MCTP1: variants seen among roughly 807,000 people sequenced by gnomAD.
MCTP1 encodes the protein multiple C2 and transmembrane domain-containing protein 1.
A neutral mutation model predicts 120.6 loss-of-function variants in MCTP1; 69 were observed. The ratio of observed to expected loss-of-function variants is 0.57; its 90% confidence interval spans 0.47 to 0.70. MCTP1 has a LOEUF of 0.70. MCTP1 is among the 30% of genes least tolerant of loss of function. MCTP1 has a pLI of 0.00. For synonymous variants in MCTP1, 529 were observed against 493.1 expected (o/e 1.07, Z -0.96); for missense variants, 1,203 against 1,248.8 (o/e 0.96, Z 0.55).
At chr5:94,987,894 T>A (rs1830707366) in intron 2 of MCTP1, among the ~76,000 whole-genome samples, 1 of 152,202 alleles carries the variant, frequency 6.6e-6, no homozygotes. Context: ...ACAAAGAGTT[T>A]GTGCGCTTAT....
chr5:95,172,604 G>A (rs1205457886), intron 1 of MCTP1, among the ~76,000 whole-genome samples: 1 of 149,370 alleles, frequency 6.7e-6, no homozygotes, highest in East Asian at 1.9e-4. Flanking sequence ...TTTTTTTGGT[G>A]CCTGTATGAT....
At chr5:95,132,802 GGT>G (rs1195335311) in intron 1 of MCTP1, among the ~76,000 whole-genome samples, 1 of 152,146 alleles carries the variant, frequency 6.6e-6, no homozygotes, top group Non-Finnish European at 1.5e-5. Flanking sequence ...CACTGTGCAT[GGT>G]TACATATTGG....
chr5:95,284,283 T>C lies in MCTP1; in HGVS notation c.293A>G (p.Asn98Ser), dbSNP rs1270112254. ...GGGCTCCGGCGACGAGCAGCACAGG[T>C]TGGGCTGCGAGGAGGAGAAGACTCG... ...LDRVFSSSQP[N>S]LCCSSPEPLE... is the part of the protein sequence containing the mutation. Residue 98 changes from asparagine (N) to serine (S), a missense_variant, in exon 1 of 23, where the codon AAC becomes AGC. Asn to Ser is a conservative substitution (Grantham distance 46). This residue lies in a region of MCTP1 where 463 missense variants were observed against 377.8 expected (regional missense o/e 1.23). Transcript: ENST00000515393. The surrounding 1 kb of genome is among the most constrained non-coding windows in gnomAD (Gnocchi z 5.2). 1.9e-6 allele frequency: 3 copies of C among 1,596,286 alleles called. No individual in the cohort carries two copies. Among genetic ancestry groups the C allele is most frequent in the Non-Finnish European group, 2.5e-6 (3 of 1,178,548 alleles).
chr5:94,754,549 C>A (rs1769286802), intron 19 of MCTP1, among the ~76,000 whole-genome samples: 1 of 152,136 alleles, frequency 6.6e-6, no homozygotes, highest in African/African-American at 2.4e-5. Context: ...TTTTCTTCTT[C>A]TTTTAAAGCA....
intron 1 of MCTP1, among the ~76,000 whole-genome samples, chr5:95,279,797 T>C (rs929154500): frequency 6.6e-6 from 1 of 152,236 alleles, no homozygotes; most frequent in East Asian, 1.9e-4. Flanking sequence ...CGAGCACTTT[T>C]CATGAATGCT....
intron 1 of MCTP1, among the ~76,000 whole-genome samples, chr5:95,236,807 C>T (rs1462442927): frequency 6.6e-6 from 1 of 152,198 alleles, no homozygotes; most frequent in African/African-American, 2.4e-5. Flanking sequence ...CATCCTGTGA[C>T]CATAGAGGGA....
Position 94,866,682 on chromosome 5 carries a change from C to G in MCTP1, c.2436+1651G>C, listed in dbSNP as rs916132587. On this transcript the variant is annotated intron_variant, in intron 17 of 22. Coordinates refer to ENST00000515393, the MANE Select transcript of MCTP1 (RefSeq NM_024717.7). ...GAAATTTGACCCCCTTACAGTCTTACAGTCAAATCACTCAAGTAATATCAT... is the reference window on the plus strand; with the variant it reads ...GAAATTTGACCCCCTTACAGTCTTAGAGTCAAATCACTCAAGTAATATCAT... 2.6e-5 allele frequency among the ~76,000 whole-genome samples: 4 copies of G among 151,516 alleles called. No individual in the cohort carries two copies. In the Admixed American group the frequency reaches 2.6e-4, roughly 10 times the overall value.
At position 95,284,410 on chromosome 5, in the gene MCTP1, G is replaced by A; in HGVS notation, c.166C>T (p.Pro56Ser). ...PERRTADTPS[P>S]SPPPPVGTGN... ...GTGCCCACCGGGGGTGGCGGGGAGG[G>A]CGACGGGGTGTCCGCAGTGCGGCGC... The change falls in exon 1 of 23, where the codon CCC (proline) becomes TCC (serine). Residue 56 changes from proline to serine, a missense_variant. Physicochemically the swap from Pro to Ser is moderately conservative, Grantham distance 74. Coordinates refer to ENST00000515393, the MANE Select transcript of MCTP1 (RefSeq NM_024717.7). This position sits in a 1 kb window ranked among gnomAD's most constrained non-coding sequence, Gnocchi z 5.2. 1 of 1,581,266 alleles carries A rather than the reference G, an allele frequency of 6.3e-7. No homozygotes were observed. The highest frequency in any genetic ancestry group is 8.5e-7 in the Non-Finnish European group (1 of 1,172,068).
Position 94,803,446 on chromosome 5 carries a change from C to T in MCTP1, c.2437-4314G>A, listed in dbSNP as rs565165844. Among the ~76,000 whole-genome samples, 51 of 152,280 alleles carry T rather than the reference C, an allele frequency of 3.3e-4. 1 individual carries two copies. Among genetic ancestry groups the T allele is most frequent in the African/African-American group, 9.1e-4 (38 of 41,554 alleles). ...AATCAGGCCTAGAGGCATCCAAGCT[C>T]TCTAGTCACCAGCTTTGGGACCTTG... is the stretch of plus-strand genomic sequence containing the variant. On this transcript the variant is annotated intron_variant, in intron 17 of 22. Transcript: ENST00000515393.
At chr5:95,215,792 A>G (rs879149277) in intron 1 of MCTP1, among the ~76,000 whole-genome samples, 3 of 152,172 alleles carry the variant, frequency 2.0e-5, no homozygotes, top group Non-Finnish European at 4.4e-5. Flanking sequence ...GCAACCACCT[A>G]CCTCTCAAAC....
chr5:95,115,684 T>C (rs1266576396), intron 1 of MCTP1, among the ~76,000 whole-genome samples: 3 of 152,022 alleles, frequency 2.0e-5, no homozygotes, highest in African/African-American at 7.2e-5. Flanking sequence ...GCCTTAAAGA[T>C]GAGGTCGAGA....
intron 2 of MCTP1, among the ~76,000 whole-genome samples, chr5:95,009,973 C>T (rs1047883580): frequency 6.6e-6 from 1 of 152,146 alleles, no homozygotes; most frequent in African/African-American, 2.4e-5. Context: ...GAAGTCCAAA[C>T]CACATTCTAG....
At chr5:95,157,089 T>C (rs1294634490) in intron 1 of MCTP1, among the ~76,000 whole-genome samples, 1 of 152,162 alleles carries the variant, frequency 6.6e-6, no homozygotes, top group Non-Finnish European at 1.5e-5. Context: ...CTAATACTTT[T>C]TTGAAGTAGT....
chr5:94,947,577 T>TATATATATATATATATAGAGAG, intron 3 of MCTP1, among the ~76,000 whole-genome samples: 40 of 47,368 alleles, frequency 8.4e-4, no homozygotes, highest in Admixed American at 1.3e-3. Context: ...TATATATATA[T>TATATATATATATATATAGAGAG]AGAGAGAGAG....
At chr5:95,132,130 GTT>G (rs1361021759) in intron 1 of MCTP1, among the ~76,000 whole-genome samples, 1 of 152,136 alleles carries the variant, frequency 6.6e-6, no homozygotes, top group African/African-American at 2.4e-5. Context: ...AGGATGAAGA[GTT>G]ATGACAATTC....
chr5:94,869,310 G>C (rs1797396126), intron 16 of MCTP1, among the ~76,000 whole-genome samples: 2 of 151,932 alleles, frequency 1.3e-5, no homozygotes, highest in Non-Finnish European at 2.9e-5. Context: ...TAAGGAAGTA[G>C]CTATGTAAAG....
chr5:95,119,969 G>A (rs377094471), intron 1 of MCTP1, among the ~76,000 whole-genome samples: 23 of 151,978 alleles, frequency 1.5e-4, no homozygotes, highest in African/African-American at 3.9e-4. Flanking sequence ...TCAGGAGATC[G>A]AGACCATCCT....
At chr5:95,255,326 TAGAC>T (rs61489403) in intron 1 of MCTP1, among the ~76,000 whole-genome samples, 124 of 152,258 alleles carry the variant, frequency 8.1e-4, no homozygotes, top group African/African-American at 2.9e-3. Flanking sequence ...TAAATGGAAA[TAGAC>T]AGTTTAAGAA....
chr5:94,832,935 C>T (rs867042901), intron 17 of MCTP1, among the ~76,000 whole-genome samples: 1 of 152,172 alleles, frequency 6.6e-6, no homozygotes, highest in Non-Finnish European at 1.5e-5. Flanking sequence ...TCAAGCAATA[C>T]CCTACAACAG....
Sources: gnomAD v4.1 joint callset for allele counts (sites outside exome capture counted in the v4.1 genomes callset) on GRCh38, gnomAD v4.1.1 for gene constraint, gnomAD v4.1.1 regional missense constraint, Gnocchi (gnomAD v3.1) non-coding constraint, MANE v1.5 for transcripts, NCBI Gene and HGNC (gene_info 2026-07-23, HGNC 2026-07-21) for gene names.